The following SGPL1 variants were observed in gnomAD, a reference collection of about 807,000 sequenced individuals.
SGPL1 encodes the protein sphingosine-1-phosphate lyase 1, also known as SP-lyase 1.
In SGPL1, 37 loss-of-function variants were observed where a neutral mutation model predicts 68.9. The observed-to-expected ratio is 0.54, with a 90% CI of 0.41 to 0.71. The LOEUF (loss-of-function observed/expected upper bound fraction) is 0.71, where lower values mean the gene tolerates loss of function less well. Among genes scored for constraint, SGPL1 ranks in the 30% least tolerant of loss-of-function variants. The pLI is 0.00. For synonymous variants in SGPL1, 236 were observed against 248.5 expected (o/e 0.95, Z 0.47); for missense variants, 551 against 704.6 (o/e 0.78, Z 2.47).
At chr10:70,856,842 C>A (rs1845972580) in intron 5 of SGPL1, among the ~76,000 whole-genome samples, 1 of 152,114 alleles carries the variant, frequency 6.6e-6, no homozygotes, top group Non-Finnish European at 1.5e-5. Flanking sequence ...CCTGAGACAC[C>A]CATATCAACA....
At chr10:70,866,268 T>A (rs1170646230) in intron 7 of SGPL1, 1 of 151,970 alleles carries the variant, frequency 6.6e-6, no homozygotes, top group Non-Finnish European at 1.5e-5. Context: ...GTGCCTGTAG[T>A]CCCAGCTACT....
At chr10:70,853,068 A>G (rs1463398954) in intron 4 of SGPL1, among the ~76,000 whole-genome samples, 1 of 152,166 alleles carries the variant, frequency 6.6e-6, no homozygotes, top group Non-Finnish European at 1.5e-5. Flanking sequence ...AGCATACTCT[A>G]TGTATGGAAG....
At chr10:70,844,377 C>T in intron 2 of SGPL1, 96 bp from the exon 3 acceptor site, 4 of 1,104,222 alleles carry the variant, frequency 3.6e-6, no homozygotes, top group Non-Finnish European at 5.2e-6. Flanking sequence ...CCGGAATGAC[C>T]TTGCCCTTGA....
intron 7 of SGPL1, chr10:70,860,418 C>G (rs1460983845): frequency 4.4e-6 from 2 of 455,524 alleles, no homozygotes; most frequent in Non-Finnish European, 9.1e-6. Flanking sequence ...TTTTGTTTTT[C>G]TAATATGTTG....
intron 3 of SGPL1, among the ~76,000 whole-genome samples, chr10:70,845,102 C>T (rs1193680469): frequency 6.6e-6 from 1 of 152,040 alleles, no homozygotes; most frequent in Admixed American, 6.5e-5. Context: ...TCTGATTGGT[C>T]AAGTTATAAC....
At chr10:70,827,465 A>G (rs1251862016) in intron 2 of SGPL1, among the ~76,000 whole-genome samples, 1 of 152,196 alleles carries the variant, frequency 6.6e-6, no homozygotes, top group Non-Finnish European at 1.5e-5. Context: ...TGAGCTTTTC[A>G]TATAATTTGC....
intron 2 of SGPL1, among the ~76,000 whole-genome samples, chr10:70,840,769 T>C (rs1845701306): frequency 1.3e-5 from 2 of 152,204 alleles, no homozygotes; most frequent in Admixed American, 1.3e-4. Context: ...ATATTCTTGC[T>C]GAATGTAATT....
Position 70,830,368 on chromosome 10 carries a change from A to T in SGPL1, c.27+13488A>T, listed in dbSNP as rs148702923. ...GCAACTACCAGTCTACTTTGTGTAG[A>T]TTTGCTTAGTCAGGACACTTCATAT... On this transcript the variant is annotated intron_variant, in intron 2 of 14. Coordinates refer to ENST00000373202, the MANE Select transcript of SGPL1 (RefSeq NM_003901.4). Among the ~76,000 whole-genome samples, 925 of 152,258 alleles carry T rather than the reference A, an allele frequency of 6.1e-3. 5 individuals are homozygous for T. The highest frequency in any genetic ancestry group is 0.021 in the African/African-American group (882 of 41,542).
chr10:70,862,201 G>C (rs1174616428), intron 7 of SGPL1, among the ~76,000 whole-genome samples: 1 of 152,214 alleles, frequency 6.6e-6, no homozygotes, highest in African/African-American at 2.4e-5. Flanking sequence ...TCTGTATCTA[G>C]CTCAAGGTTT....
Position 70,871,886 on chromosome 10 carries a change from G to C in SGPL1, c.959G>C (p.Gly320Ala), listed in dbSNP as rs375338766. 30 of 1,613,932 alleles carry C rather than the reference G, an allele frequency of 1.9e-5. No homozygotes were observed. The highest frequency in any genetic ancestry group is 2.7e-5 in the African/African-American group (2 of 74,868). ...IPLHVDACLG[G>A]FLIVFMEKAG... Reference sequence around the variant, plus strand: ...CTTCATGTCGACGCTTGTCTGGGAGGCTTCCTCATCGTCTTTATGGAGAAA... The same window carrying C: ...CTTCATGTCGACGCTTGTCTGGGAGCCTTCCTCATCGTCTTTATGGAGAAA... Residue 320 changes from glycine to alanine, a missense_variant, in exon 11 of 15, where the codon GGC becomes GCC. Gly to Ala is a moderately conservative substitution (Grantham distance 60). Transcript: ENST00000373202.
intron 3 of SGPL1, among the ~76,000 whole-genome samples, chr10:70,849,650 G>C (rs887411174): frequency 1.3e-5 from 2 of 152,214 alleles, no homozygotes; most frequent in African/African-American, 2.4e-5. Flanking sequence ...TGATGTGATA[G>C]ATACAAAAAG....
At chr10:70,852,396 AATTAT>A (rs1285986458) in intron 4 of SGPL1, among the ~76,000 whole-genome samples, 15 of 152,172 alleles carry the variant, frequency 9.9e-5, no homozygotes, top group Non-Finnish European at 2.1e-4. Context: ...TTGCTCTCCA[AATTAT>A]ATTAATCCCT....
At chr10:70,817,031 T>A (rs1845245639) in intron 2 of SGPL1, 151 bp downstream of exon 2, 1 of 872,026 alleles carries the variant, frequency 1.1e-6, no homozygotes, top group Non-Finnish European at 1.9e-6. Context: ...TTTGTTTTGT[T>A]TTTTTGGAGA....
intron 2 of SGPL1, among the ~76,000 whole-genome samples, chr10:70,826,290 C>G (rs1845436217): frequency 6.6e-6 from 1 of 152,224 alleles, no homozygotes; most frequent in East Asian, 1.9e-4. Context: ...CAATTCCATT[C>G]CATTCCATTC....
At position 70,854,741 on chromosome 10, in the gene SGPL1, A is replaced by AT. The variant is rs1383984196; in HGVS notation, c.297dup (p.Ser100Ter). On this transcript the variant is annotated frameshift_variant, in exon 5 of 15. Coordinates refer to ENST00000373202, the MANE Select transcript of SGPL1 (RefSeq NM_003901.4). LOFTEE classifies it high-confidence loss of function. ...CAAGTTGAACAAGACCAAGGATGAT[A>AT]TTAGCAAGAACATGTCATTCCTGAA... is the stretch of plus-strand genomic sequence containing the variant. 2 of 1,613,456 alleles carry AT rather than the reference A, an allele frequency of 1.2e-6. No individual in the cohort carries two copies. Among genetic ancestry groups the AT allele is most frequent in the Non-Finnish European group, 1.7e-6 (2 of 1,179,776 alleles).
In SGPL1 at chr10:70,876,652, C is replaced by G; in HGVS notation, c.1557C>G (p.Thr519=). Reference sequence around the variant, plus strand: ...TCATGAAGAATCCTAAAGCGAAGACCACAGGAATGGTAGGGACACTTGGAG... The same window carrying G: ...TCATGAAGAATCCTAAAGCGAAGACGACAGGAATGGTAGGGACACTTGGAG... ...TQIMKNPKAK[T]TGMGAIYGMA... The change falls in exon 14 of 15, where the codon ACC becomes ACG. Residue 519 remains threonine (T), a synonymous_variant. Coordinates refer to ENST00000373202, the MANE Select transcript of SGPL1 (RefSeq NM_003901.4). The G allele has an allele frequency of 6.2e-7, 1 of 1,611,956 alleles. No individual in the cohort carries two copies. The highest frequency in any genetic ancestry group is 8.5e-7 in the Non-Finnish European group (1 of 1,179,324).
Position 70,816,894 on chromosome 10 carries a change from A to C in SGPL1, c.27+14A>C. ...CTTCTGATGTTGGTGAGCCTTTTGC[A>C]GACATCCTCCTGGTTCCAAGGCATT... On this transcript the variant is annotated intron_variant, in intron 2 of 14. Transcript: ENST00000373202. The C allele has an allele frequency of 6.2e-7, 1 of 1,613,672 alleles. No homozygotes were observed. Among genetic ancestry groups the C allele is most frequent in the Non-Finnish European group, 8.5e-7 (1 of 1,179,538 alleles).
intron 2 of SGPL1, among the ~76,000 whole-genome samples, chr10:70,832,960 C>T (rs1426312592): frequency 6.6e-6 from 1 of 152,150 alleles, no homozygotes; most frequent in Non-Finnish European, 1.5e-5. Flanking sequence ...GAGAGGTGCT[C>T]AGAATTGTTA....
intron 2 of SGPL1, among the ~76,000 whole-genome samples, chr10:70,825,598 A>G (rs914081543): frequency 3.3e-5 from 5 of 152,184 alleles, no homozygotes; most frequent in African/African-American, 1.2e-4. Flanking sequence ...GGCAAGCCCA[A>G]AGCTGCTTTG....
Sources: allele counts gnomAD v4.1 joint callset (sites outside exome capture counted in the v4.1 genomes callset), GRCh38; gene constraint gnomAD v4.1.1; transcripts MANE v1.5; gene names NCBI Gene and HGNC (gene_info 2026-07-23, HGNC 2026-07-21).